The following PCDH17 variants were observed in gnomAD, a reference collection of about 807,000 sequenced individuals.
PCDH17 encodes protocadherin-17.
In PCDH17, 21 loss-of-function variants were observed where a neutral mutation model predicts 67.7. The observed-to-expected ratio is 0.31, with a 90% CI of 0.22 to 0.45. The LOEUF is 0.45. Ranked by LOEUF, PCDH17 falls within the 20% of genes least tolerant of loss-of-function variation. The pLI is 1.00. For missense variants in PCDH17, 1,471 were observed against 1,564.8 expected (o/e 0.94, Z 1.01); for synonymous variants, 701 against 656.7 (o/e 1.07, Z -1.03).
intron 1 of PCDH17, among the ~76,000 whole-genome samples, chr13:57,651,483 A>G (rs113943071): frequency 0.038 from 5,696 of 149,600 alleles, 135 homozygotes; most frequent in Non-Finnish European, 0.051. Context: ...TACTTCAGGC[A>G]TGTGCCACCA....
chr13:57,642,921 T>C (rs1954922013), intron 1 of PCDH17, among the ~76,000 whole-genome samples: 1 of 151,604 alleles, frequency 6.6e-6, no homozygotes, highest in Non-Finnish European at 1.5e-5. Context: ...TGTACAAACA[T>C]TTGCATCAGT....
At chr13:57,709,962 T>C (rs1019389580) in intron 3 of PCDH17, among the ~76,000 whole-genome samples, 9 of 151,942 alleles carry the variant, frequency 5.9e-5, no homozygotes, top group African/African-American at 1.9e-4. Context: ...GTGTTAACGG[T>C]TGAAACAAGA....
At chr13:57,698,376 G>A (rs1373342917) in intron 3 of PCDH17, among the ~76,000 whole-genome samples, 1 of 151,602 alleles carries the variant, frequency 6.6e-6, no homozygotes, top group African/African-American at 2.4e-5. Flanking sequence ...TGGCCTTATA[G>A]GAAAATTGAG....
rs746840101 is a variant in PCDH17, at chr13:57,635,038, G to T, written c.2492G>T (p.Gly831Val). ...CTGACTGTCCCTCAGGGGCACGCGG[G>T]CTGCCACACCAGCTTCACCGGACAA... The part of the protein sequence containing the change: ...NNLTVPQGHA[G>V]CHTSFTGQGT... The change falls in exon 1 of 4, where the codon GGC becomes GTC. Residue 831 changes from glycine to valine, a missense_variant. This residue lies in a region of PCDH17 where 1,163 missense variants were observed against 1,230.0 expected (regional missense o/e 0.95). Coordinates refer to ENST00000377918, the MANE Select transcript of PCDH17 (RefSeq NM_001040429.3). 2.5e-6 allele frequency: 4 copies of T among 1,612,966 alleles called. No individual in the cohort carries two copies. The South Asian group carries it at 4.4e-5, about 18-fold the overall frequency.
At chr13:57,631,293 C>T (rs1461682343), upstream of PCDH17, among the ~76,000 whole-genome samples, 1 of 152,128 alleles carries the variant, frequency 6.6e-6, no homozygotes, top group African/African-American at 2.4e-5. Flanking sequence ...ACAGCCCAGC[C>T]CTGTGAATGC....
chr13:57,678,428 C>T (rs1476175013), intron 3 of PCDH17, among the ~76,000 whole-genome samples: 5 of 151,450 alleles, frequency 3.3e-5, no homozygotes, highest in African/African-American at 1.2e-4. Context: ...AAAGGATATT[C>T]ATTGAAGCAT....
rs79602714 is a variant in PCDH17 at position 57,728,597 on chromosome 13, G to A, written c.*3303G>A. 2.5e-3 allele frequency: 370 copies of A among 147,870 alleles called. 1 individual carries two copies. The highest frequency in any genetic ancestry group is 8.2e-3 in the African/African-American group (331 of 40,186). The allele number at this position is 147,870 out of a possible 1,614,324, so 9.2% of individuals were successfully genotyped here. A position where few individuals can be genotyped will look rare whatever the true frequency, so the allele number is the denominator to read the frequency against. On this transcript the variant is annotated 3_prime_UTR_variant, in exon 4 of 4. Coordinates refer to ENST00000377918, the MANE Select transcript of PCDH17 (RefSeq NM_001040429.3). Reference sequence around the variant, plus strand: ...AGTAGTGAGAATCTGTTAGTTATACGTATACCAAAGTAAACATTAAAGAGA... The same window carrying A: ...AGTAGTGAGAATCTGTTAGTTATACATATACCAAAGTAAACATTAAAGAGA...
upstream of PCDH17, among the ~76,000 whole-genome samples, chr13:57,631,097 T>C (rs73517162): frequency 1.2e-3 from 187 of 152,198 alleles, no homozygotes; most frequent in African/African-American, 4.5e-3. Flanking sequence ...CCTTGATGTG[T>C]TGCTTTCATC....
intron 3 of PCDH17, among the ~76,000 whole-genome samples, chr13:57,696,146 A>T (rs1414027647): frequency 6.6e-6 from 1 of 151,402 alleles, no homozygotes; most frequent in Admixed American, 6.6e-5. Context: ...ATAGGAATAT[A>T]TGATTGATAT....
At chr13:57,714,098 A>G (rs1232422325) in intron 3 of PCDH17, among the ~76,000 whole-genome samples, 2 of 151,734 alleles carry the variant, frequency 1.3e-5, no homozygotes, top group African/African-American at 4.8e-5. Flanking sequence ...TTAAAAATCT[A>G]TCTTCTGGGA....
At chr13:57,701,716 T>C (rs1160533535) in intron 3 of PCDH17, among the ~76,000 whole-genome samples, 1 of 152,164 alleles carries the variant, frequency 6.6e-6, no homozygotes, top group Non-Finnish European at 1.5e-5. Context: ...CCAGTGGTTC[T>C]AAAATTCTGA....
chr13:57,698,009 GCAGTGGGGCATCTGAATT>G (rs1283716724), intron 3 of PCDH17, among the ~76,000 whole-genome samples: 1 of 151,472 alleles, frequency 6.6e-6, no homozygotes, highest in Non-Finnish European at 1.5e-5. Flanking sequence ...CCACATCACA[GCAGTGGGGCATCTGAATT>G]CAATGATAGT....
At chr13:57,677,909 C>G (rs907602267) in intron 3 of PCDH17, among the ~76,000 whole-genome samples, 5 of 151,472 alleles carry the variant, frequency 3.3e-5, no homozygotes, top group African/African-American at 1.2e-4. Flanking sequence ...GTTGAGAGGC[C>G]GGCCTAGAGG....
chr13:57,639,905 A>C (rs1040141304), intron 1 of PCDH17, among the ~76,000 whole-genome samples: 3 of 152,054 alleles, frequency 2.0e-5, no homozygotes, highest in East Asian at 1.9e-4. Context: ...CTTTGACTAT[A>C]TTGTTCAACA....
intron 1 of PCDH17, among the ~76,000 whole-genome samples, chr13:57,661,765 T>G (rs1955186601): frequency 6.6e-6 from 1 of 152,188 alleles, no homozygotes; most frequent in Non-Finnish European, 1.5e-5. Flanking sequence ...CATATTTGTG[T>G]GGGTCTGCTT....
intron 3 of PCDH17, among the ~76,000 whole-genome samples, chr13:57,684,394 A>G (rs1378920917): frequency 1.3e-5 from 2 of 151,930 alleles, no homozygotes; most frequent in African/African-American, 2.4e-5. Flanking sequence ...TAAGCTTTTT[A>G]AAATTTTAAA....
At chr13:57,661,011 G>A (rs1003700256) in intron 1 of PCDH17, among the ~76,000 whole-genome samples, 43 of 152,104 alleles carry the variant, frequency 2.8e-4, no homozygotes, top group African/African-American at 1.0e-3. Flanking sequence ...CATTTTTTTA[G>A]GGTATATCCC....
Position 57,634,703 on chromosome 13 carries a change from C to T in PCDH17, c.2157C>T (p.Leu719=), listed in dbSNP as rs1178473580. The T allele has an allele frequency of 6.2e-7, 1 of 1,613,912 alleles. No individual in the cohort carries two copies. Among genetic ancestry groups the T allele is most frequent in the African/African-American group, 1.3e-5 (1 of 75,032 alleles). ...IVTLSTISII[L]LAAMITIAVK... ...CTCTGAGCACTATCTCCATCATCCT[C>T]CTAGCGGCCATGATCACCATCGCCG... The change falls in exon 1 of 4, where the codon CTC becomes CTT. Residue 719 remains leucine (L), a synonymous_variant. Coordinates refer to ENST00000377918, the MANE Select transcript of PCDH17 (RefSeq NM_001040429.3). The surrounding 1 kb of genome is among the most constrained non-coding windows in gnomAD (Gnocchi z 7.8).
intron 1 of PCDH17, among the ~76,000 whole-genome samples, chr13:57,635,344 AATTT>A (rs1954808813): frequency 2.0e-5 from 3 of 151,806 alleles, no homozygotes; most frequent in Non-Finnish European, 4.4e-5. Context: ...TTCATTTTAA[AATTT>A]ATTTTTATAG....
Sources: allele counts gnomAD v4.1 joint callset (sites outside exome capture counted in the v4.1 genomes callset), GRCh38; gene constraint gnomAD v4.1.1; regional missense constraint gnomAD v4.1.1; non-coding constraint Gnocchi (gnomAD v3.1); transcripts MANE v1.5; gene names NCBI Gene and HGNC (gene_info 2026-07-23, HGNC 2026-07-21).